The following STXBP5L variants were observed in gnomAD, a reference collection of about 807,000 sequenced individuals.
STXBP5L encodes syntaxin-binding protein 5-like.
Under a neutral mutation model 144.5 loss-of-function variants are expected in STXBP5L, and 65 were observed. The ratio of observed to expected loss-of-function variants is 0.45; its 90% CI spans 0.37 to 0.55. The LOEUF (loss-of-function observed/expected upper bound fraction) is 0.55. Ranked by LOEUF, STXBP5L falls within the 20% of genes least tolerant of loss-of-function variation. The probability of loss-of-function intolerance (pLI) is 0.00; values close to 1 mark genes in which losing one functional copy is unlikely to be tolerated. For synonymous variants in STXBP5L, 505 were observed against 469.6 expected, an observed-to-expected ratio of 1.08 and a Z score of -0.97; for missense variants, 1,298 against 1,405.5, an observed-to-expected ratio of 0.92 and a Z score of 1.22.
At chr3:120,999,548 A>G (rs1202614561) in intron 3 of STXBP5L, among the ~76,000 whole-genome samples, 4 of 152,200 alleles carry the variant, frequency 2.6e-5, no homozygotes, top group Non-Finnish European at 5.9e-5. Context: ...TGCCTTTAAA[A>G]TGAGTCATTT....
chr3:121,186,572 T>C (rs200599782), intron 9 of STXBP5L, among the ~76,000 whole-genome samples: 1 of 152,318 alleles, frequency 6.6e-6, no homozygotes, highest in African/African-American at 2.4e-5. Context: ...TTGTCTTTGG[T>C]TCTGTTTATA....
chr3:121,237,154 G>A (rs1456935736), intron 12 of STXBP5L, among the ~76,000 whole-genome samples: 1 of 152,250 alleles, frequency 6.6e-6, no homozygotes, highest in Non-Finnish European at 1.5e-5. Flanking sequence ...CTCTGCCTAT[G>A]TGGCAGGTTT....
intron 11 of STXBP5L, among the ~76,000 whole-genome samples, chr3:121,224,941 C>A (rs907351595): frequency 6.6e-6 from 1 of 152,086 alleles, no homozygotes; most frequent in Non-Finnish European, 1.5e-5. Context: ...ATATAAATTT[C>A]TGCACGTTGG....
intron 19 of STXBP5L, among the ~76,000 whole-genome samples, chr3:121,280,308 A>T (rs972306564): frequency 6.6e-6 from 1 of 151,906 alleles, no homozygotes; most frequent in Admixed American, 6.6e-5. Flanking sequence ...TGGTTGTGTC[A>T]AACAGGTTAA....
At chr3:121,396,168 G>A (rs1370842592) in intron 22 of STXBP5L, among the ~76,000 whole-genome samples, 2 of 152,228 alleles carry the variant, frequency 1.3e-5, no homozygotes, top group Non-Finnish European at 2.9e-5. Flanking sequence ...CCTTTGGGCA[G>A]GCTCAAAAAA....
At chr3:121,181,331 AGAGAGGAGAG>A (rs569281932) in intron 9 of STXBP5L, among the ~76,000 whole-genome samples, 1 of 151,046 alleles carries the variant, frequency 6.6e-6, no homozygotes, top group African/African-American at 2.4e-5. Flanking sequence ...AGAAAAGTAA[AGAGAGGAGAG>A]GAGAGGAGAG....
chr3:121,031,113 G>A (rs576542822), intron 3 of STXBP5L, among the ~76,000 whole-genome samples: 84 of 152,152 alleles, frequency 5.5e-4, no homozygotes, highest in Middle Eastern at 3.4e-3. Context: ...CAAGCAGTTC[G>A]TGAAACACCC....
intron 20 of STXBP5L, among the ~76,000 whole-genome samples, chr3:121,322,224 A>G (rs1160169498): frequency 6.6e-6 from 1 of 152,208 alleles, no homozygotes; most frequent in Non-Finnish European, 1.5e-5. Flanking sequence ...CACGCCTGTA[A>G]TCTCAGCACT....
At chr3:121,181,958 AAAG>A (rs1243836615) in intron 9 of STXBP5L, among the ~76,000 whole-genome samples, 8 of 151,966 alleles carry the variant, frequency 5.3e-5, no homozygotes, top group Non-Finnish European at 1.2e-4. Context: ...AAAAAAAAAA[AAAG>A]AAGGAAAATA....
Position 121,238,964 on chromosome 3 carries a change from C to A in STXBP5L, c.1185-7C>A. On this transcript the variant is annotated splice_polypyrimidine_tract_variant and splice_region_variant and intron_variant, in intron 12 of 26. Coordinates refer to ENST00000471454, the MANE Select transcript of STXBP5L (RefSeq NM_001308330.2). ...AATAACACTGATATATTGTCTTTAT[C>A]TATTAGTTTTCCAATCTTTGAAAAT... 6.4e-7 allele frequency: 1 copy of A among 1,563,508 alleles called. No individual in the cohort carries two copies. The highest frequency in any genetic ancestry group is 8.7e-7 in the Non-Finnish European group (1 of 1,146,152).
intron 19 of STXBP5L, among the ~76,000 whole-genome samples, chr3:121,289,531 C>T (rs1179732659): frequency 6.6e-6 from 1 of 152,136 alleles, no homozygotes; most frequent in Non-Finnish European, 1.5e-5. Context: ...TGGACTTAAA[C>T]TATACCCTAG....
intron 5 of STXBP5L, among the ~76,000 whole-genome samples, chr3:121,057,796 AT>A (rs568018290): frequency 3.9e-4 from 60 of 152,018 alleles, no homozygotes; most frequent in African/African-American, 1.2e-3. Context: ...TATATCAATA[AT>A]TTGGTATAAT....
chr3:121,211,194 T>C (rs551705907), intron 10 of STXBP5L, among the ~76,000 whole-genome samples: 1 of 152,346 alleles, frequency 6.6e-6, no homozygotes, highest in East Asian at 1.9e-4. Context: ...TTTGTAGCAA[T>C]TGTGAATGTG....
intron 19 of STXBP5L, among the ~76,000 whole-genome samples, chr3:121,289,482 T>C (rs865930151): frequency 3.9e-5 from 6 of 152,140 alleles, no homozygotes; most frequent in Middle Eastern, 3.2e-3. Context: ...CTGACAGCAC[T>C]AGACAGGTCA....
At chr3:121,113,414 T>C (rs116575033) in intron 5 of STXBP5L, among the ~76,000 whole-genome samples, 14 of 152,258 alleles carry the variant, frequency 9.2e-5, no homozygotes, top group Non-Finnish European at 1.5e-4. Context: ...TTATTAAATA[T>C]CTCTTGGCAA....
At chr3:121,314,788 GA>G (rs922813961) in intron 19 of STXBP5L, among the ~76,000 whole-genome samples, 1 of 152,022 alleles carries the variant, frequency 6.6e-6, no homozygotes, top group African/African-American at 2.4e-5. Context: ...AAGTTTACAA[GA>G]AAAAAACAAA....
chr3:121,245,659 T>C lies in STXBP5L; in HGVS notation c.1401-5064T>C, dbSNP rs146789705. 2.5e-3 allele frequency among the ~76,000 whole-genome samples: 380 copies of C among 152,174 alleles called. 2 individuals are homozygous for C. Among genetic ancestry groups the C allele is most frequent in the African/African-American group, 8.6e-3 (358 of 41,552 alleles). ...AGAAAATGAGATGAATACATTTATA[T>C]TGGACTTTAAGTCAATAACTCACAA... On this transcript the variant is annotated intron_variant, in intron 14 of 26. Transcript: ENST00000471454.
chr3:120,910,644 A>G (rs990745424), intron 2 of STXBP5L, among the ~76,000 whole-genome samples: 1 of 152,154 alleles, frequency 6.6e-6, no homozygotes, highest in South Asian at 2.1e-4. Flanking sequence ...AAAAATTGCA[A>G]AATTACAGAA....
chr3:121,090,780 A>AT (rs2042742249), intron 5 of STXBP5L, among the ~76,000 whole-genome samples: 1 of 151,564 alleles, frequency 6.6e-6, no homozygotes, highest in African/African-American at 2.4e-5. Context: ...TTTATTTTTT[A>AT]TTTTTTTATT....
Sources: gnomAD v4.1 joint callset for allele counts (sites outside exome capture counted in the v4.1 genomes callset) on GRCh38, gnomAD v4.1.1 for gene constraint, MANE v1.5 for transcripts, NCBI Gene and HGNC (gene_info 2026-07-23, HGNC 2026-07-21) for gene names.